SLC13A3: variants seen among roughly 807,000 people sequenced by gnomAD.
SLC13A3 encodes Na(+)/dicarboxylate cotransporter 3.
A neutral mutation model predicts 59.0 loss-of-function variants in SLC13A3; 40 were observed. That is an observed-to-expected ratio of 0.68 (90% CI 0.53 to 0.88). The LOEUF (loss-of-function observed/expected upper bound fraction) is 0.88, where lower values mean the gene tolerates loss of function less well. SLC13A3 is among the 40% of genes least tolerant of loss of function. The pLI is 0.00. For synonymous variants in SLC13A3, 317 were observed against 330.3 expected (o/e 0.96, Z 0.44); for missense variants, 699 against 783.2 (o/e 0.89, Z 1.28).
chr20:46,621,036 A>G (rs930949432), intron 1 of SLC13A3, among the ~76,000 whole-genome samples: 6 of 152,256 alleles, frequency 3.9e-5, no homozygotes, highest in African/African-American at 1.4e-4. Context: ...GCAAAAGTGA[A>G]CTGGTCAATA....
intron 9 of SLC13A3, among the ~76,000 whole-genome samples, chr20:46,582,044 T>G (rs2146110731): frequency 6.6e-6 from 1 of 152,182 alleles, no homozygotes; most frequent in African/African-American, 2.4e-5. Context: ...TCCCAACATT[T>G]CAGAAGGCAG....
intron 3 of SLC13A3, among the ~76,000 whole-genome samples, 175 bp from the exon 4 acceptor site, chr20:46,600,212 A>G (rs1234731792): frequency 4.5e-5 from 6 of 132,762 alleles, no homozygotes; most frequent in African/African-American, 8.2e-5. Context: ...GAGAGAGAGG[A>G]AGGGAGAGAG....
chr20:46,626,403 T>C (rs1292650844), intron 1 of SLC13A3, among the ~76,000 whole-genome samples: 6 of 152,060 alleles, frequency 3.9e-5, no homozygotes, highest in Non-Finnish European at 8.8e-5. Flanking sequence ...CTCAGCTTTC[T>C]GTGAAGGAAT....
At chr20:46,582,869 G>A (rs1004714574) in intron 9 of SLC13A3, 16 of 985,422 alleles carry the variant, frequency 1.6e-5, no homozygotes, top group Admixed American at 6.1e-5. Flanking sequence ...GCTGGACACC[G>A]GAGGGAGTCG....
intron 12 of SLC13A3, 36 bp from the exon 13 acceptor site, chr20:46,560,234 C>A: frequency 6.3e-6 from 10 of 1,584,814 alleles, no homozygotes; most frequent in Non-Finnish European, 8.7e-6. Flanking sequence ...GGGGTCAGCA[C>A]CTGACCCACC....
At chr20:46,563,609 C>CT in intron 11 of SLC13A3, 58 bp from the exon 12 acceptor site, 4 of 784,352 alleles carry the variant, frequency 5.1e-6, no homozygotes, top group African/African-American at 3.4e-5. Flanking sequence ...GCGACCACAG[C>CT]AAGAGGGAGA....
chr20:46,612,783 C>T (rs1422936667), intron 2 of SLC13A3, among the ~76,000 whole-genome samples: 1 of 152,120 alleles, frequency 6.6e-6, no homozygotes, highest in African/African-American at 2.4e-5. Flanking sequence ...AAAGGCCACC[C>T]AATTCTCTAA....
At chr20:46,631,516 C>T (rs1010815375) in intron 1 of SLC13A3, among the ~76,000 whole-genome samples, 4 of 152,150 alleles carry the variant, frequency 2.6e-5, no homozygotes, top group African/African-American at 9.7e-5. Flanking sequence ...GCAGGGCTGC[C>T]ATGTGGGCGA....
intron 1 of SLC13A3, among the ~76,000 whole-genome samples, chr20:46,665,006 A>G (rs1322984807): frequency 5.3e-5 from 8 of 152,056 alleles, no homozygotes; most frequent in Non-Finnish European, 1.2e-4. Flanking sequence ...CAGCCATTGT[A>G]GAGATTTAAG....
At position 46,609,280 on chromosome 20, in the gene SLC13A3, T is replaced by A. The variant is rs533506437; in HGVS notation, c.541+1166A>T. On this transcript the variant is annotated intron_variant, in intron 3 of 12. Coordinates refer to ENST00000279027, the MANE Select transcript of SLC13A3 (RefSeq NM_022829.6). ...TTGTGCCTCTGAATTGATCCTGGAC[T>A]TCTTTAACTTCACTGTGTAATTTGG... Among the ~76,000 whole-genome samples the A allele has an allele frequency of 3.5e-4, 53 of 152,352 alleles. 1 individual carries two copies. The South Asian group carries it at 9.1e-3, about 26-fold the overall frequency.
intron 1 of SLC13A3, among the ~76,000 whole-genome samples, chr20:46,642,914 A>T (rs6017952): frequency 0.04 from 6,049 of 151,546 alleles, 366 homozygotes; most frequent in African/African-American, 0.14. Context: ...GCCATCTGCC[A>T]GCCTAATGTG....
At chr20:46,583,345 A>G (rs1600517476) in intron 9 of SLC13A3, 2 of 1,224,798 alleles carry the variant, frequency 1.6e-6, no homozygotes, top group Non-Finnish European at 2.1e-6. Flanking sequence ...GTTCAAAAAC[A>G]GATAGCAGGC....
At chr20:46,594,273 A>G in intron 5 of SLC13A3, among the ~76,000 whole-genome samples, 1 of 150,622 alleles carries the variant, frequency 6.6e-6, no homozygotes, top group East Asian at 1.9e-4. Context: ...TTAAACATAC[A>G]TAAGATATAT....
intron 1 of SLC13A3, among the ~76,000 whole-genome samples, chr20:46,615,049 A>T (rs1174918294): frequency 1.3e-5 from 2 of 152,136 alleles, no homozygotes; most frequent in Non-Finnish European, 2.9e-5. Context: ...CTGTTCTCAT[A>T]ATGAGAGTGA....
At position 46,669,000 on chromosome 20, in the gene SLC13A3, C is replaced by G. The variant is rs529012023; in HGVS notation, c.-31+1043G>C. ...GGCTTGACCAACATTAATTTTCATTCCTTACTAGGTATGTTCATTGGACAG... is the reference window on the plus strand; with the variant it reads ...GGCTTGACCAACATTAATTTTCATTGCTTACTAGGTATGTTCATTGGACAG... On this transcript the variant is annotated intron_variant, in intron 1 of 12. Coordinates refer to the SLC13A3 transcript ENST00000290317. Among the ~76,000 whole-genome samples the G allele has an allele frequency of 5.3e-5, 8 of 152,268 alleles. No individual in the cohort carries two copies. In the South Asian group the frequency reaches 1.5e-3, roughly 28 times the overall value.
intron 9 of SLC13A3, among the ~76,000 whole-genome samples, chr20:46,578,071 G>A (rs886703375): frequency 4.0e-5 from 6 of 151,672 alleles, no homozygotes; most frequent in East Asian, 3.9e-4. Context: ...GTGCGATCTC[G>A]GCTCACTGCA....
intron 1 of SLC13A3, among the ~76,000 whole-genome samples, chr20:46,662,271 G>A (rs749148505): frequency 6.6e-6 from 1 of 152,160 alleles, no homozygotes; most frequent in Non-Finnish European, 1.5e-5. Context: ...ATGGGGTGGT[G>A]TTAGAGTGGG....
upstream of SLC13A3, among the ~76,000 whole-genome samples, chr20:46,672,589 G>T (rs1347019369): frequency 6.6e-6 from 1 of 152,128 alleles, no homozygotes; most frequent in East Asian, 1.9e-4. Context: ...CTTTCCACTG[G>T]GAGGCAGGGC....
intron 9 of SLC13A3, chr20:46,583,211 A>C (rs1347168811): frequency 1.7e-6 from 1 of 571,990 alleles, no homozygotes; most frequent in African/African-American, 2.0e-5. Context: ...AGGGGAAAGC[A>C]AAATTTGATA....
Sources: gnomAD v4.1 joint callset for allele counts (sites outside exome capture counted in the v4.1 genomes callset) on GRCh38, gnomAD v4.1.1 for gene constraint, MANE v1.5 for transcripts, NCBI Gene and HGNC (gene_info 2026-07-23, HGNC 2026-07-21) for gene names.